Variants in MAN2A2 observed in about 807,000 individuals in gnomAD.
MAN2A2 encodes mannosidase alpha class 2A member 2.
In MAN2A2, 79 loss-of-function variants were observed where a neutral mutation model predicts 126.8. The ratio of observed to expected loss-of-function variants is 0.62; its 90% CI spans 0.52 to 0.75. MAN2A2 has a LOEUF of 0.75. Ranked by LOEUF, MAN2A2 falls within the 30% of genes least tolerant of loss-of-function variation. The probability of loss-of-function intolerance (pLI) is 0.00; values close to 1 mark genes in which losing one functional copy is unlikely to be tolerated. For missense variants in MAN2A2, 1,392 were observed against 1,522.4 expected, an observed-to-expected ratio of 0.91 and a Z score of 1.43; for synonymous variants, 671 against 618.7, an observed-to-expected ratio of 1.08 and a Z score of -1.25.
chr15:90,905,508 G>A lies in MAN2A2; in HGVS notation c.390G>A (p.Gln130=). ...LGGRGQKPEL[Q]MLTVSEELPF... ...GCCGGGGTCAGAAGCCAGAGCTGCAGGTAAGAGTCAGAGCTGGCAGGGACG... is the reference window on the plus strand; with the variant it reads ...GCCGGGGTCAGAAGCCAGAGCTGCAAGTAAGAGTCAGAGCTGGCAGGGACG... Residue 130 remains glutamine, a splice_region_variant and synonymous_variant, in exon 3 of 23, where the codon CAG becomes CAA. Transcript: ENST00000559717. 6.2e-7 allele frequency: 1 copy of A among 1,614,134 alleles called. No homozygotes were observed. The highest frequency in any genetic ancestry group is 8.5e-7 in the Non-Finnish European group (1 of 1,180,028).
Position 90,913,332 on chromosome 15 carries a change from A to C in MAN2A2, c.2644A>C (p.Lys882Gln), listed in dbSNP as rs199738733. ...SLVDIRDYVN[K>Q]ELALHIHTDI... ...GGTGGACATCCGGGACTACGTCAAC[A>C]AGGAGCTGGCCCTGCACATCCATAC... Residue 882 changes from lysine to glutamine, a missense_variant, in exon 18 of 23, where the codon AAG becomes CAG. By Grantham distance (53) the Lys-to-Gln change is moderately conservative (BLOSUM62 1). Transcript: ENST00000559717. 2.2e-5 allele frequency: 36 copies of C among 1,613,398 alleles called. No homozygotes were observed. The highest frequency in any genetic ancestry group is 3.0e-5 in the Non-Finnish European group (35 of 1,179,472).
chr15:90,911,296 C>G, intron 13 of MAN2A2, 58 bp downstream of exon 13: 1 of 1,613,452 alleles, frequency 6.2e-7, no homozygotes, highest in South Asian at 1.1e-5. Flanking sequence ...TCTCAGGCCC[C>G]TCTGCCCCAG....
rs766759162 is a variant in MAN2A2 at position 90,905,983 on chromosome 15, AC to A, written c.675del (p.Asn225LysfsTer27). On this transcript the variant is annotated frameshift_variant, in exon 5 of 23. Transcript: ENST00000559717. LOFTEE classifies it high-confidence loss of function. ...TCCTTCTTCGCCAAGTGGTGGGACAACATCAATGTCCAAAAGAGAGCGGCAG... is the reference window on the plus strand; with the variant it reads ...TCCTTCTTCGCCAAGTGGTGGGACAAATCAATGTCCAAAAGAGAGCGGCAG... ...EVSFFAKWWD[N>X]INVQKRAAVR... 3 of 1,614,046 alleles carry A rather than the reference AC, an allele frequency of 1.9e-6. No individual in the cohort carries two copies. Among genetic ancestry groups the A allele is most frequent in the Non-Finnish European group, 2.5e-6 (3 of 1,180,028 alleles).
intron 14 of MAN2A2, 29 bp downstream of exon 14, chr15:90,911,579 G>A: frequency 6.3e-7 from 1 of 1,588,022 alleles, no homozygotes; most frequent in Middle Eastern, 2.0e-4. Context: ...AGGTGGGCCT[G>A]GCCCTCTGCC....
At chr15:90,905,193 A>T (rs575816812) in intron 2 of MAN2A2, 58 bp from the exon 3 acceptor site, 12 of 1,580,986 alleles carry the variant, frequency 7.6e-6, no homozygotes, top group Non-Finnish European at 7.7e-6. Flanking sequence ...GACCCCAAGC[A>T]GAGACCCTCC....
Position 90,919,943 on chromosome 15 carries a change from T to G in MAN2A2, c.*156T>G. 2.2e-6 allele frequency: 2 copies of G among 902,446 alleles called. No individual in the cohort carries two copies. The highest frequency in any genetic ancestry group is 5.4e-5 in the Admixed American group (2 of 37,070). 55.9% of individuals were successfully genotyped at this position (902,446 alleles called of 1,614,324 possible). On this transcript the variant is annotated 3_prime_UTR_variant, in exon 23 of 23. Transcript: ENST00000559717. The stretch of plus-strand genomic sequence containing the variant: ...CATTTTCTGTTTATTGCTGCTGCTG[T>G]GTTTTCGGCGCAACCCACAAACCCA...
chr15:90,906,675 G>T, intron 6 of MAN2A2, 65 bp from the exon 7 acceptor site: 4 of 1,587,944 alleles, frequency 2.5e-6, no homozygotes, highest in Non-Finnish European at 2.6e-6. Flanking sequence ...CCCAGCACCT[G>T]GAAGGCCGGG....
chr15:90,918,372 G>A lies in MAN2A2; in HGVS notation c.3173G>A (p.Arg1058His), dbSNP rs756972899. The A allele has an allele frequency of 5.6e-6, 9 of 1,613,866 alleles. No homozygotes were observed. Among genetic ancestry groups the A allele is most frequent in the Non-Finnish European group, 6.8e-6 (8 of 1,179,856 alleles). Reference sequence around the variant, plus strand: ...TGTGACTTCCACCTGCTCAACCTACGTACGCTCCAGGCTGAGGTGAGTGTC... The same window carrying A: ...TGTGACTTCCACCTGCTCAACCTACATACGCTCCAGGCTGAGGTGAGTGTC... ...LPCDFHLLNL[R>H]TLQAEEDTLP... The change falls in exon 21 of 23, where the codon CGT (arginine) becomes CAT (histidine). Residue 1058 changes from arginine (R) to histidine (H), a missense_variant. Arg to His is a conservative substitution (Grantham distance 29). Transcript: ENST00000559717.
chr15:90,916,620 G>C (rs1224749236), intron 20 of MAN2A2: 1 of 1,310,576 alleles, frequency 7.6e-7, no homozygotes, highest in Non-Finnish European at 1.0e-6. Flanking sequence ...GCCATGTTTA[G>C]GGGCTTGATC....
chr15:90,914,748 G>A lies in MAN2A2; in HGVS notation c.2860+993G>A, dbSNP rs2035035782. Among the ~76,000 whole-genome samples, 2 of 152,296 alleles carry A rather than the reference G, an allele frequency of 1.3e-5. 1 individual carries two copies. Among genetic ancestry groups the A allele is most frequent in the African/African-American group, 4.8e-5 (2 of 41,556 alleles). On this transcript the variant is annotated intron_variant, in intron 19 of 22. Transcript: ENST00000559717. ...TTGGCCAGGCTGGTCTGGAACTCCT[G>A]ACCTTGTGATCTGCCTGCCTCGGTC... is the stretch of plus-strand genomic sequence containing the variant.
Position 90,916,128 on chromosome 15 carries a change from C to G in MAN2A2, c.2866C>G (p.Leu956Val). ...LGVSSLKDGQ[L>V]EVILDRRLMQ... ...CTCACTGTTTGCTTCCCCAGGCCAG[C>G]TGGAGGTGATCTTGGACCGGCGGCT... The change falls in exon 20 of 23, where the codon CTG (leucine) becomes GTG (valine). Residue 956 changes from leucine (L) to valine (V), a missense_variant. Physicochemically the swap from Leu to Val is conservative, Grantham distance 32. Transcript: ENST00000559717. 1.2e-6 allele frequency: 2 copies of G among 1,613,976 alleles called. No individual in the cohort carries two copies. The highest frequency in any genetic ancestry group is 1.7e-6 in the Non-Finnish European group (2 of 1,179,962).
intron 2 of MAN2A2, among the ~76,000 whole-genome samples, chr15:90,904,780 A>G (rs941744310): frequency 1.3e-5 from 2 of 152,144 alleles, no homozygotes; most frequent in African/African-American, 4.8e-5. Flanking sequence ...AGTAGAGACG[A>G]GACGAGGTAT....
rs370449250 is a variant in MAN2A2, at chr15:90,910,827, C to A, written c.1761-20C>A. 8 of 1,609,390 alleles carry A rather than the reference C, an allele frequency of 5.0e-6. No homozygotes were observed. The highest frequency in any genetic ancestry group is 1.6e-4 in the Middle Eastern group (1 of 6,074). ...CCCTATGGTCATCTTCTCTCCTTCC[C>A]TCTCCTGCGCCACCCACAGGCTTCT... On this transcript the variant is annotated intron_variant, in intron 11 of 22. Coordinates refer to ENST00000559717, the MANE Select transcript of MAN2A2 (RefSeq NM_006122.4).
chr15:90,906,889 G>A lies in MAN2A2; in HGVS notation c.985G>A (p.Glu329Lys). The A allele has an allele frequency of 6.2e-7, 1 of 1,614,014 alleles. No individual in the cohort carries two copies. The highest frequency in any genetic ancestry group is 8.5e-7 in the Non-Finnish European group (1 of 1,179,982). The part of the protein sequence containing the change: ...KKHFAATHSL[E>K]FMWRQTWDSD... ...GCACTTTGCTGCCACCCACAGCCTA[G>A]AGTTCATGTGGAGGCAGACATGGGG... is the stretch of plus-strand genomic sequence containing the variant. Residue 329 changes from glutamate to lysine, a missense_variant, in exon 7 of 23, where the codon GAG becomes AAG. Physicochemically the swap from Glu to Lys is moderately conservative, Grantham distance 56 (BLOSUM62 1). Transcript: ENST00000559717.
chr15:90,908,702 AG>A (rs2034491629), intron 8 of MAN2A2, among the ~76,000 whole-genome samples: 2 of 151,466 alleles, frequency 1.3e-5, no homozygotes, highest in African/African-American at 4.9e-5. Flanking sequence ...CAGCCTCCTG[AG>A]TAGCTGGGAT....
At chr15:90,904,166 T>C (rs753188881) in intron 1 of MAN2A2, 24 bp from the exon 2 acceptor site, 1 of 1,613,958 alleles carries the variant, frequency 6.2e-7, no homozygotes, top group Non-Finnish European at 8.5e-7. Flanking sequence ...ATGTTGGAGC[T>C]ACAGATGGTG....
At chr15:90,906,048 A>G (rs2034255431) in intron 5 of MAN2A2, 32 bp downstream of exon 5, 1 of 1,612,258 alleles carries the variant, frequency 6.2e-7, no homozygotes, top group African/African-American at 1.3e-5. Flanking sequence ...ATGGGAGGGC[A>G]TTGTCTGAGC....
At chr15:90,918,518 C>T (rs2035358640) in intron 21 of MAN2A2, 127 bp from the exon 22 acceptor site, 2 of 1,276,038 alleles carry the variant, frequency 1.6e-6, no homozygotes, top group Non-Finnish European at 2.2e-6. Context: ...ACCTCCAGGA[C>T]CAGGTTTTGG....
In MAN2A2 at chr15:90,921,421, C is replaced by G. The variant is rs1303604333; in HGVS notation, c.*1634C>G. On this transcript the variant is annotated 3_prime_UTR_variant, in exon 23 of 23. Coordinates refer to ENST00000559717, the MANE Select transcript of MAN2A2 (RefSeq NM_006122.4). Reference sequence around the variant, plus strand: ...TGATAATGAGTTGGGGGGTGGACTGCTCGGGGGTGATCCTGCCAGATTCCC... The same window carrying G: ...TGATAATGAGTTGGGGGGTGGACTGGTCGGGGGTGATCCTGCCAGATTCCC... 2.5e-4 allele frequency: 38 copies of G among 152,380 alleles called. No homozygotes were observed. Among genetic ancestry groups the G allele is most frequent in the Admixed American group, 2.5e-3 (38 of 15,272 alleles). 9.4% of individuals were successfully genotyped at this position (152,380 alleles called of 1,614,324 possible). A position where few individuals can be genotyped will look rare whatever the true frequency, so the allele number is the denominator to read the frequency against.
Sources: allele counts gnomAD v4.1 joint callset (sites outside exome capture counted in the v4.1 genomes callset), GRCh38; gene constraint gnomAD v4.1.1; transcripts MANE v1.5; gene names NCBI Gene and HGNC (gene_info 2026-07-23, HGNC 2026-07-21).